UNC5D: variants seen among roughly 807,000 people sequenced by gnomAD.
UNC5D encodes the protein netrin receptor UNC5D.
A neutral mutation model predicts 105.4 loss-of-function variants in UNC5D; 39 were observed. The ratio of observed to expected loss-of-function variants is 0.37; its 90% CI spans 0.29 to 0.48. The LOEUF is 0.48. UNC5D is among the 20% of genes least tolerant of loss of function. UNC5D has a pLI of 0.98. For synonymous variants in UNC5D, 452 were observed against 450.4 expected (o/e 1.00, Z -0.04); for missense variants, 991 against 1,202.4 (o/e 0.82, Z 2.60).
At chr8:35,550,622 T>C (rs767780569) in intron 2 of UNC5D, among the ~76,000 whole-genome samples, 1 of 152,102 alleles carries the variant, frequency 6.6e-6, no homozygotes, top group Non-Finnish European at 1.5e-5. Flanking sequence ...CCCATAGGGG[T>C]GAACTTTACA....
intron 1 of UNC5D, among the ~76,000 whole-genome samples, chr8:35,270,927 A>G (rs887268116): frequency 1.8e-4 from 1 of 5,452 alleles, no homozygotes; most frequent in African/African-American, 3.2e-4. Flanking sequence ...CCCCTATGGT[A>G]TATATATATA....
intron 1 of UNC5D, among the ~76,000 whole-genome samples, chr8:35,284,320 C>A (rs1806424126): frequency 6.6e-6 from 1 of 152,130 alleles, no homozygotes; most frequent in Non-Finnish European, 1.5e-5. Context: ...TTAAAAAATT[C>A]ACTACTTTTG....
rs549987628 is a variant in UNC5D at position 35,283,794 on chromosome 8, C to T, written c.103+47907C>T. On this transcript the variant is annotated intron_variant, in intron 1 of 16. Transcript: ENST00000404895. ...ACTCCAACCTAGTGACAGAGTGAGACTCCGAATAAAAAAAAAAAAATGCTC... is the reference window on the plus strand; with the variant it reads ...ACTCCAACCTAGTGACAGAGTGAGATTCCGAATAAAAAAAAAAAAATGCTC... Among the ~76,000 whole-genome samples the T allele has an allele frequency of 1.4e-3, 106 of 77,482 alleles. 2 individuals are homozygous for T. The highest frequency in any genetic ancestry group is 7.7e-3 in the Admixed American group (44 of 5,684). The allele number at this position is 77,482 out of a possible 152,430, so 50.8% of individuals were successfully genotyped here.
chr8:35,375,748 T>TA (rs1802663970), intron 1 of UNC5D, among the ~76,000 whole-genome samples: 1 of 152,222 alleles, frequency 6.6e-6, no homozygotes, highest in East Asian at 1.9e-4. Flanking sequence ...TCTAAAGCTA[T>TA]AAAGGAATTG....
chr8:35,739,798 C>T (rs2131602972), intron 11 of UNC5D, among the ~76,000 whole-genome samples: 1 of 152,298 alleles, frequency 6.6e-6, no homozygotes, highest in East Asian at 1.9e-4. Flanking sequence ...ATCCTTTCCA[C>T]TTCATTTTGT....
At chr8:35,393,612 A>G (rs1563373664) in intron 1 of UNC5D, among the ~76,000 whole-genome samples, 1 of 152,184 alleles carries the variant, frequency 6.6e-6, no homozygotes, top group Non-Finnish European at 1.5e-5. Flanking sequence ...CACACTGTAG[A>G]TAGTACTCAC....
chr8:35,412,307 G>A (rs891102829), intron 1 of UNC5D, among the ~76,000 whole-genome samples: 1 of 151,994 alleles, frequency 6.6e-6, no homozygotes, highest in Non-Finnish European at 1.5e-5. Context: ...TTCTTAGATT[G>A]GTGGTATTGG....
chr8:35,691,183 C>G (rs1443588326), intron 7 of UNC5D, among the ~76,000 whole-genome samples: 1 of 152,140 alleles, frequency 6.6e-6, no homozygotes, highest in Non-Finnish European at 1.5e-5. Flanking sequence ...CCTAGATGCT[C>G]TCAACAAGAA....
intron 1 of UNC5D, among the ~76,000 whole-genome samples, chr8:35,495,455 CAACAAAAAAA>C (rs1281609950): frequency 3.1e-5 from 1 of 32,428 alleles, no homozygotes. Flanking sequence ...ACAACAACAA[CAACAAAAAAA>C]AAAAAAAAAA....
In UNC5D at chr8:35,473,377, C is replaced by T. The variant is rs139412991; in HGVS notation, c.104-75915C>T. On this transcript the variant is annotated intron_variant, in intron 1 of 16. Transcript: ENST00000404895. ...TGTAAGCTTTATTCACTGCCATATCCACAGCTTTAAGAATAGTGGCTGGCA... is the reference window on the plus strand; with the variant it reads ...TGTAAGCTTTATTCACTGCCATATCTACAGCTTTAAGAATAGTGGCTGGCA... Among the ~76,000 whole-genome samples, 24 of 152,258 alleles carry T rather than the reference C, an allele frequency of 1.6e-4. 1 individual carries two copies. In the East Asian group the frequency reaches 4.1e-3, roughly 26 times the overall value.
At chr8:35,571,394 T>C (rs1586158297) in intron 3 of UNC5D, among the ~76,000 whole-genome samples, 1 of 152,214 alleles carries the variant, frequency 6.6e-6, no homozygotes. Flanking sequence ...TTTCTTCTCA[T>C]GTAGCAAGTG....
intron 2 of UNC5D, among the ~76,000 whole-genome samples, chr8:35,558,100 TG>T (rs1816686026): frequency 7.6e-6 from 1 of 131,888 alleles, no homozygotes. Flanking sequence ...CACTCCAGCC[TG>T]GGCGACAAGA....
At chr8:35,365,010 C>T (rs1020414684) in intron 1 of UNC5D, among the ~76,000 whole-genome samples, 2 of 152,230 alleles carry the variant, frequency 1.3e-5, no homozygotes, top group Middle Eastern at 3.4e-3. Flanking sequence ...TCATGCTATG[C>T]ATTTATAATA....
intron 1 of UNC5D, among the ~76,000 whole-genome samples, chr8:35,242,548 G>A (rs952892407): frequency 2.0e-5 from 3 of 152,096 alleles, no homozygotes; most frequent in Non-Finnish European, 4.4e-5. Context: ...CAGGATCTTG[G>A]CTCACTGCAA....
intron 3 of UNC5D, among the ~76,000 whole-genome samples, chr8:35,578,742 A>G (rs1818276034): frequency 6.6e-6 from 1 of 152,164 alleles, no homozygotes; most frequent in South Asian, 2.1e-4. Flanking sequence ...ACAGAGAATA[A>G]CTCGTATGTA....
At chr8:35,725,419 T>C (rs1828806895) in intron 9 of UNC5D, among the ~76,000 whole-genome samples, 1 of 152,110 alleles carries the variant, frequency 6.6e-6, no homozygotes, top group African/African-American at 2.4e-5. Flanking sequence ...GCAAAGATAT[T>C]ATATATACTT....
At position 35,349,907 on chromosome 8, in the gene UNC5D, G is replaced by A. The variant is rs1242351668; in HGVS notation, c.103+114020G>A. Among the ~76,000 whole-genome samples, 3 of 152,130 alleles carry A rather than the reference G, an allele frequency of 2.0e-5. No individual in the cohort carries two copies. The East Asian group carries it at 5.8e-4, about 29-fold the overall frequency. On this transcript the variant is annotated intron_variant, in intron 1 of 16. Coordinates refer to ENST00000404895, the MANE Select transcript of UNC5D (RefSeq NM_080872.4). ...AGTAACTGGCAGTAAAGGATACAGTGATTAATAAAGATTGGTGCCACAGTT... is the reference window on the plus strand; with the variant it reads ...AGTAACTGGCAGTAAAGGATACAGTAATTAATAAAGATTGGTGCCACAGTT...
chr8:35,788,511 T>A (rs1802855558), intron 16 of UNC5D, among the ~76,000 whole-genome samples: 1 of 152,194 alleles, frequency 6.6e-6, no homozygotes, highest in African/African-American at 2.4e-5. Context: ...AAGCTTACCA[T>A]GCTTTTACTG....
intron 1 of UNC5D, among the ~76,000 whole-genome samples, chr8:35,273,312 G>A (rs767541236): frequency 8.5e-5 from 13 of 152,168 alleles, no homozygotes; most frequent in African/African-American, 3.1e-4. Flanking sequence ...GTATCTTATC[G>A]TTCTGTTGCT....
Sources: allele counts gnomAD v4.1 joint callset (sites outside exome capture counted in the v4.1 genomes callset), GRCh38; gene constraint gnomAD v4.1.1; transcripts MANE v1.5; gene names NCBI Gene and HGNC (gene_info 2026-07-23, HGNC 2026-07-21).